The following CNTNAP5 variants were observed in gnomAD, a reference collection of about 807,000 sequenced individuals.
CNTNAP5 encodes contactin associated protein family member 5.
CNTNAP5 carries 72 observed loss-of-function variants against 150.2 expected under a neutral mutation model. The observed-to-expected ratio is 0.48, with a 90% CI of 0.40 to 0.58. The LOEUF is 0.58. Ranked by LOEUF, CNTNAP5 falls within the 20% of genes least tolerant of loss-of-function variation. The pLI, the probability that CNTNAP5 is intolerant of heterozygous loss-of-function variation, is 0.00. For synonymous variants in CNTNAP5, 672 were observed against 619.8 expected (o/e 1.08, Z -1.25); for missense variants, 1,636 against 1,626.2 (o/e 1.01, Z -0.10).
At chr2:124,109,461 A>G (rs1321219308) in intron 1 of CNTNAP5, among the ~76,000 whole-genome samples, 3 of 152,220 alleles carry the variant, frequency 2.0e-5, no homozygotes, top group East Asian at 3.9e-4. Context: ...ACCAGGACAC[A>G]TGAGGTAGGC....
At chr2:124,904,350 C>A (rs192336464) in intron 22 of CNTNAP5, among the ~76,000 whole-genome samples, 3 of 151,904 alleles carry the variant, frequency 2.0e-5, no homozygotes, top group East Asian at 3.9e-4. Flanking sequence ...GTGTATATGC[C>A]ACAATATCTT....
At chr2:124,880,567 G>T (rs1677944801) in intron 21 of CNTNAP5, among the ~76,000 whole-genome samples, 1 of 151,880 alleles carries the variant, frequency 6.6e-6, no homozygotes, top group Non-Finnish European at 1.5e-5. Flanking sequence ...TCCCATAAAA[G>T]ATAAACATTA....
intron 6 of CNTNAP5, among the ~76,000 whole-genome samples, chr2:124,460,977 C>G (rs548010102): frequency 2.0e-5 from 3 of 152,186 alleles, no homozygotes; most frequent in Admixed American, 6.5e-5. Flanking sequence ...GGGAAAATAA[C>G]AAAAATCTCA....
At chr2:124,650,872 C>T (rs191897104) in intron 13 of CNTNAP5, among the ~76,000 whole-genome samples, 7 of 152,234 alleles carry the variant, frequency 4.6e-5, no homozygotes, top group Admixed American at 2.0e-4. Flanking sequence ...CTCTGTTACA[C>T]GTAATGCTGC....
chr2:124,758,961 T>G (rs1680898793), intron 14 of CNTNAP5, among the ~76,000 whole-genome samples: 1 of 152,166 alleles, frequency 6.6e-6, no homozygotes, highest in Non-Finnish European at 1.5e-5. Context: ...GCTTATTCTC[T>G]ACAAAACATT....
chr2:124,457,755 A>C (rs1219523352), intron 6 of CNTNAP5, among the ~76,000 whole-genome samples: 1 of 151,634 alleles, frequency 6.6e-6, no homozygotes. Flanking sequence ...CACAATGTGC[A>C]GGTTTGTGAC....
At chr2:124,044,571 T>A (rs559654451) in intron 1 of CNTNAP5, among the ~76,000 whole-genome samples, 6 of 152,014 alleles carry the variant, frequency 3.9e-5, no homozygotes, top group Non-Finnish European at 7.4e-5. Flanking sequence ...ACCATGGCTA[T>A]TTTTTTTCAA....
chr2:124,497,801 T>C (rs1435675518), intron 7 of CNTNAP5, among the ~76,000 whole-genome samples: 1 of 152,206 alleles, frequency 6.6e-6, no homozygotes, highest in African/African-American at 2.4e-5. Context: ...CTATTCTTTC[T>C]ATTATACAAT....
chr2:124,264,162 T>G (rs1267861352), intron 3 of CNTNAP5, among the ~76,000 whole-genome samples: 1 of 152,136 alleles, frequency 6.6e-6, no homozygotes, highest in Non-Finnish European at 1.5e-5. Context: ...AAAAACTGTC[T>G]GGATGCTCAA....
chr2:124,261,815 T>C (rs1404375756), intron 3 of CNTNAP5, among the ~76,000 whole-genome samples: 1 of 152,210 alleles, frequency 6.6e-6, no homozygotes, highest in Admixed American at 6.5e-5. Context: ...GCTGTATTTG[T>C]AGTGAAAAGG....
chr2:124,228,470 C>T (rs57653788), intron 2 of CNTNAP5, among the ~76,000 whole-genome samples: 3,226 of 152,238 alleles, frequency 0.021, 125 homozygotes, highest in East Asian at 0.18. Context: ...CAATGTCTTA[C>T]AGGGTTATAA....
intron 1 of CNTNAP5, among the ~76,000 whole-genome samples, chr2:124,172,132 AT>A (rs1473899754): frequency 6.6e-6 from 1 of 152,218 alleles, no homozygotes; most frequent in Non-Finnish European, 1.5e-5. Flanking sequence ...TCCTTTTGAA[AT>A]AGCAGTGAAA....
intron 5 of CNTNAP5, among the ~76,000 whole-genome samples, chr2:124,441,065 CT>C: frequency 6.6e-6 from 1 of 152,036 alleles, no homozygotes; most frequent in East Asian, 1.9e-4. Context: ...TCTAAACATC[CT>C]TTTTTAATGA....
At chr2:124,137,834 C>T (rs1313019594) in intron 1 of CNTNAP5, among the ~76,000 whole-genome samples, 1 of 151,750 alleles carries the variant, frequency 6.6e-6, no homozygotes, top group Admixed American at 6.6e-5. Flanking sequence ...GGCCATGAGC[C>T]TAGAGACTAA....
At position 124,025,671 on chromosome 2, in the gene CNTNAP5, G is replaced by A; in HGVS notation, c.21G>A (p.Leu7=). MDSLPR[L]TSVLTLLFSG... ...GGGAAATGGATTCTTTACCACGGCT[G>A]ACCAGCGTTTTGACTTTGCTGTTCT... The change falls in exon 1 of 24, where the codon CTG becomes CTA. Residue 7 remains leucine, a synonymous_variant. Coordinates refer to ENST00000682447, the MANE Select transcript of CNTNAP5 (RefSeq NM_001367498.1). 1 of 1,613,886 alleles carries A rather than the reference G, an allele frequency of 6.2e-7. No individual in the cohort carries two copies.
At chr2:124,657,474 C>T (rs1485052287) in intron 13 of CNTNAP5, among the ~76,000 whole-genome samples, 4 of 152,124 alleles carry the variant, frequency 2.6e-5, no homozygotes, top group Non-Finnish European at 5.9e-5. Context: ...CCATTCACAC[C>T]CTCATCATCT....
chr2:124,372,358 C>T (rs1423838645), intron 3 of CNTNAP5, among the ~76,000 whole-genome samples: 1 of 152,014 alleles, frequency 6.6e-6, no homozygotes, highest in Non-Finnish European at 1.5e-5. Context: ...GCTTGCAGAC[C>T]GCCTATGGTG....
intron 1 of CNTNAP5, among the ~76,000 whole-genome samples, chr2:124,199,939 T>C (rs1036531703): frequency 6.6e-6 from 1 of 152,214 alleles, no homozygotes; most frequent in Non-Finnish European, 1.5e-5. Flanking sequence ...CACTTCCTGC[T>C]TTCCAATCAA....
At chr2:124,305,848 C>T (rs1323626930) in intron 3 of CNTNAP5, among the ~76,000 whole-genome samples, 1 of 152,166 alleles carries the variant, frequency 6.6e-6, no homozygotes, top group East Asian at 1.9e-4. Context: ...AAATAAATTA[C>T]CTAATATTTT....
Sources: gnomAD v4.1 joint callset for allele counts (sites outside exome capture counted in the v4.1 genomes callset) on GRCh38, gnomAD v4.1.1 for gene constraint, MANE v1.5 for transcripts, NCBI Gene and HGNC (gene_info 2026-07-23, HGNC 2026-07-21) for gene names.